ZC4H2: variants seen among roughly 807,000 people sequenced by gnomAD.
The protein encoded by ZC4H2 is zinc finger C4H2-type containing.
For missense variants in ZC4H2, 137 were observed against 173.9 expected, an observed-to-expected ratio of 0.79 and a Z score of 1.19; for synonymous variants, 84 against 66.3, an observed-to-expected ratio of 1.27 and a Z score of -1.30.
At chrX:64,989,286 A>T (rs890631673) in intron 1 of ZC4H2, among the ~76,000 whole-genome samples, 1 of 111,871 alleles carries the variant, frequency 8.9e-6, no homozygotes, top group South Asian at 3.8e-4. Flanking sequence ...GGGGATGGCA[A>T]TGAATCTATA....
intron 1 of ZC4H2, among the ~76,000 whole-genome samples, chrX:64,936,550 G>A (rs975733256): frequency 3.6e-5 from 4 of 112,104 alleles, no homozygotes; most frequent in Admixed American, 2.8e-4. Context: ...ACAAAGGGAA[G>A]CCCATCAGAC....
At chrX:64,973,990 G>A (rs1931862079) in intron 1 of ZC4H2, among the ~76,000 whole-genome samples, 1 of 111,374 alleles carries the variant, frequency 9.0e-6, no homozygotes, top group African/African-American at 3.3e-5. Context: ...TCCTCTTCTT[G>A]AATCTAAATG....
chrX:64,988,408 C>G (rs1315672569), intron 1 of ZC4H2, among the ~76,000 whole-genome samples: 1 of 111,291 alleles, frequency 9.0e-6, no homozygotes, highest in African/African-American at 3.3e-5. Context: ...TGTTTCCTGA[C>G]TTTTTAATGA....
At chrX:64,953,741 A>G (rs749093479) in intron 1 of ZC4H2, among the ~76,000 whole-genome samples, 6 of 111,930 alleles carry the variant, frequency 5.4e-5, no homozygotes, top group African/African-American at 1.3e-4. Flanking sequence ...TAGTTCAACC[A>G]TTGCAGAAGT....
intron 1 of ZC4H2, 29 bp from the exon 2 acceptor site, chrX:64,922,017 C>A (rs781444889): frequency 2.5e-5 from 30 of 1,199,464 alleles, no homozygotes; most frequent in Non-Finnish European, 3.3e-5. Flanking sequence ...AGGAAACAGG[C>A]CAGCAAAAGA....
At chrX:64,946,357 C>A (rs1930532160) in intron 1 of ZC4H2, among the ~76,000 whole-genome samples, 1 of 110,878 alleles carries the variant, frequency 9.0e-6, no homozygotes. Context: ...CAGGGAGGTC[C>A]CTGGTCCTTT....
chrX:64,983,867 A>G (rs1378003475), intron 1 of ZC4H2, among the ~76,000 whole-genome samples: 1 of 112,044 alleles, frequency 8.9e-6, no homozygotes, highest in East Asian at 2.8e-4. Flanking sequence ...TGAAGACACA[A>G]AGGAATTCAA....
intron 1 of ZC4H2, among the ~76,000 whole-genome samples, chrX:64,923,588 A>C (rs896356628): frequency 9.1e-6 from 1 of 110,164 alleles, no homozygotes; most frequent in Non-Finnish European, 1.9e-5. Context: ...GGTAGCCTTC[A>C]ATGGCACAGA....
intron 1 of ZC4H2, among the ~76,000 whole-genome samples, chrX:64,923,936 T>C (rs1184735435): frequency 8.9e-6 from 1 of 111,776 alleles, no homozygotes; most frequent in African/African-American, 3.3e-5. Flanking sequence ...GTTCTTGTTA[T>C]AGCTCATCAA....
intron 1 of ZC4H2, among the ~76,000 whole-genome samples, chrX:64,936,663 C>T (rs948543111): frequency 2.7e-5 from 3 of 111,115 alleles, no homozygotes; most frequent in African/African-American, 6.6e-5. Flanking sequence ...ATTTCATATC[C>T]ACCCAAACTA....
chrX:64,918,945 C>T (rs1929052107), intron 4 of ZC4H2, 97 bp downstream of exon 4: 1 of 1,042,159 alleles, frequency 9.6e-7, no homozygotes, highest in African/African-American at 1.9e-5. Flanking sequence ...AAAGAAGGCC[C>T]AGCATAAATA....
At chrX:64,932,284 T>C (rs570769910) in intron 1 of ZC4H2, among the ~76,000 whole-genome samples, 11 of 111,487 alleles carry the variant, frequency 9.9e-5, no homozygotes, top group Middle Eastern at 4.6e-3. Flanking sequence ...AAACAACACA[T>C]ACTTGGTTGG....
intron 1 of ZC4H2, among the ~76,000 whole-genome samples, chrX:64,948,420 T>A (rs908545307): frequency 8.9e-6 from 1 of 112,097 alleles, no homozygotes; most frequent in Non-Finnish European, 1.9e-5. Flanking sequence ...GTTTCACATT[T>A]TTTTTTGTGC....
intron 1 of ZC4H2, among the ~76,000 whole-genome samples, chrX:65,001,928 C>A (rs5918910): frequency 1.8e-5 from 2 of 111,169 alleles, no homozygotes; most frequent in Non-Finnish European, 3.8e-5. Flanking sequence ...ACAGAAGCAC[C>A]GAGTTTCATA....
chrX:64,944,266 G>A (rs1217170103), intron 1 of ZC4H2, among the ~76,000 whole-genome samples: 1 of 106,320 alleles, frequency 9.4e-6, no homozygotes, highest in African/African-American at 3.5e-5. Flanking sequence ...TCAGCCTCCC[G>A]AGTAGCTGGG....
At chrX:64,970,658 A>G (rs1931751295) in intron 1 of ZC4H2, among the ~76,000 whole-genome samples, 1 of 111,300 alleles carries the variant, frequency 9.0e-6, no homozygotes, top group South Asian at 3.8e-4. Context: ...TGACTGGGGA[A>G]CTCGAGAAGG....
chrX:64,972,476 C>T (rs1182340961), intron 1 of ZC4H2, among the ~76,000 whole-genome samples: 2 of 112,116 alleles, frequency 1.8e-5, no homozygotes, highest in Admixed American at 9.5e-5. Flanking sequence ...CAGAAATATG[C>T]TGCTATGCTT....
In ZC4H2 at chrX:64,919,230, G is replaced by T. The variant is rs149163873; in HGVS notation, c.399-26C>A. The T allele has an allele frequency of 6.3e-5, 76 of 1,205,907 alleles. No individual in the cohort carries two copies. The African/African-American group carries it at 1.2e-3, about 19-fold the overall frequency. On this transcript the variant is annotated intron_variant, in intron 3 of 4. Coordinates refer to ENST00000374839, the MANE Select transcript of ZC4H2 (RefSeq NM_018684.4). Reference sequence around the variant, plus strand: ...CTTTGGAGATGAGAGACACTGGCTAGATCATTCTGAAAGCAATGAGAACCT... The same window carrying T: ...CTTTGGAGATGAGAGACACTGGCTATATCATTCTGAAAGCAATGAGAACCT...
At chrX:64,981,214 G>T (rs1003824972), upstream of ZC4H2, among the ~76,000 whole-genome samples, 3 of 111,589 alleles carry the variant, frequency 2.7e-5, no homozygotes, top group Admixed American at 9.5e-5. Context: ...ACAGGGTCTT[G>T]TAAACCATGG....
Sources: gnomAD v4.1 joint callset for allele counts (sites outside exome capture counted in the v4.1 genomes callset) on GRCh38, gnomAD v4.1.1 for gene constraint, MANE v1.5 for transcripts, NCBI Gene and HGNC (gene_info 2026-07-23, HGNC 2026-07-21) for gene names.